The following HMGCLL1 variants were observed in gnomAD, a reference collection of about 807,000 sequenced individuals.
HMGCLL1 encodes the protein 3-hydroxymethyl-3-methylglutaryl-CoA lyase, cytoplasmic.
A neutral mutation model predicts 39.1 loss-of-function variants in HMGCLL1; 36 were observed. That is an observed-to-expected ratio of 0.92 (90% confidence interval 0.71 to 1.22). HMGCLL1 has a LOEUF of 1.22. HMGCLL1 is among the 50% of genes most tolerant of loss of function. The probability of loss-of-function intolerance (pLI) is 0.00; values close to 1 mark genes in which losing one functional copy is unlikely to be tolerated. For missense variants in HMGCLL1, 451 were observed against 416.5 expected, an observed-to-expected ratio of 1.08 and a Z score of -0.72; for synonymous variants, 149 against 144.0, an observed-to-expected ratio of 1.03 and a Z score of -0.25.
the HMGCLL1 span, among the ~76,000 whole-genome samples, chr6:55,625,159 A>T: frequency 1.3e-5 from 2 of 152,096 alleles, no homozygotes; most frequent in Admixed American, 1.3e-4. Context: ...TCTCCTTTTG[A>T]GAGATAGCTC....
intron 3 of HMGCLL1, 64 bp from the exon 4 acceptor site, chr6:55,516,667 G>T (rs893604904): frequency 3.4e-5 from 37 of 1,097,692 alleles, no homozygotes; most frequent in Non-Finnish European, 3.1e-5. Context: ...AATCATTTTA[G>T]TTTCAGGTAG....
At chr6:55,488,164 C>T (rs1248343269) in intron 7 of HMGCLL1, among the ~76,000 whole-genome samples, 5 of 151,984 alleles carry the variant, frequency 3.3e-5, no homozygotes, top group Non-Finnish European at 7.4e-5. Flanking sequence ...ACAGAGGGTA[C>T]TATGATTTTT....
the HMGCLL1 span, among the ~76,000 whole-genome samples, chr6:55,626,444 TG>T: frequency 4.6e-5 from 7 of 152,122 alleles, no homozygotes; most frequent in African/African-American, 1.7e-4. Context: ...AACTGTGGAA[TG>T]GCTTTTTGAA....
chr6:55,649,618 C>A, the HMGCLL1 span, among the ~76,000 whole-genome samples: 1 of 151,838 alleles, frequency 6.6e-6, no homozygotes, highest in African/African-American at 2.4e-5. Context: ...AATGTTGATA[C>A]CTTTCTCAAG....
chr6:55,542,796 A>G (rs1189022765), intron 1 of HMGCLL1, among the ~76,000 whole-genome samples: 1 of 109,676 alleles, frequency 9.1e-6, no homozygotes, highest in Non-Finnish European at 2.0e-5. Flanking sequence ...ATATATACCT[A>G]TATTTATATA....
the HMGCLL1 span, among the ~76,000 whole-genome samples, chr6:55,674,949 A>C: frequency 1.4e-4 from 22 of 152,118 alleles, no homozygotes; most frequent in Non-Finnish European, 2.4e-4. Flanking sequence ...GAAATGAAGA[A>C]ATCTATGAGT....
intron 7 of HMGCLL1, among the ~76,000 whole-genome samples, chr6:55,461,470 A>C (rs1351442913): frequency 2.0e-5 from 3 of 152,052 alleles, no homozygotes; most frequent in African/African-American, 7.2e-5. Flanking sequence ...GCTGCTATCA[A>C]ATATATGAAG....
chr6:55,457,835 T>C (rs1021162522), intron 7 of HMGCLL1, among the ~76,000 whole-genome samples: 7 of 152,070 alleles, frequency 4.6e-5, no homozygotes, highest in African/African-American at 1.7e-4. Context: ...CCACCTTGAG[T>C]CACACATCCA....
At chr6:55,608,711 G>A in the HMGCLL1 span, among the ~76,000 whole-genome samples, 1 of 152,150 alleles carries the variant, frequency 6.6e-6, no homozygotes, top group South Asian at 2.1e-4. Flanking sequence ...AAAACCTAGG[G>A]CATTATAAAT....
rs551191587 is a variant in HMGCLL1 at position 55,527,712 on chromosome 6, G to A, written c.298-11109C>T. 1.1e-3 allele frequency among the ~76,000 whole-genome samples: 170 copies of A among 152,076 alleles called. 1 individual carries two copies. Among genetic ancestry groups the A allele is most frequent in the African/African-American group, 4.0e-3 (165 of 41,516 alleles). Reference sequence around the variant, plus strand: ...GACTTTCTTGTCTATATCATATATTGAAGTTCTACATAAAGTTTTACCCAT... The same window carrying A: ...GACTTTCTTGTCTATATCATATATTAAAGTTCTACATAAAGTTTTACCCAT... On this transcript the variant is annotated intron_variant, in intron 3 of 8. Coordinates refer to ENST00000274901, the MANE Select transcript of HMGCLL1 (RefSeq NM_001042406.2).
At chr6:55,619,155 G>A in the HMGCLL1 span, among the ~76,000 whole-genome samples, 1 of 151,990 alleles carries the variant, frequency 6.6e-6, no homozygotes, top group Non-Finnish European at 1.5e-5. Flanking sequence ...AGAAGATGAA[G>A]TTGGTAGGCT....
At chr6:55,608,645 A>T in the HMGCLL1 span, among the ~76,000 whole-genome samples, 5 of 141,774 alleles carry the variant, frequency 3.5e-5, no homozygotes, top group African/African-American at 1.2e-4. Context: ...GAAAATTAAG[A>T]AAAAAGAACT....
In HMGCLL1 at chr6:55,510,475, G is replaced by A. The variant is rs199601724; in HGVS notation, c.542+3573C>T. Among the ~76,000 whole-genome samples the A allele has an allele frequency of 6.0e-3, 909 of 151,334 alleles. 9 individuals carry two copies. Among genetic ancestry groups the A allele is most frequent in the African/African-American group, 0.02 (820 of 41,226 alleles). Reference sequence around the variant, plus strand: ...ACTATGCAGCCATAAAAAATGATGAGTTCATGTCCTTTGTAGGGACATGGA... The same window carrying A: ...ACTATGCAGCCATAAAAAATGATGAATTCATGTCCTTTGTAGGGACATGGA... On this transcript the variant is annotated intron_variant, in intron 5 of 8. Coordinates refer to ENST00000274901, the MANE Select transcript of HMGCLL1 (RefSeq NM_001042406.2).
At chr6:55,662,813 G>C in the HMGCLL1 span, among the ~76,000 whole-genome samples, 1 of 151,506 alleles carries the variant, frequency 6.6e-6, no homozygotes, top group East Asian at 2.0e-4. Context: ...ATCTGACCCT[G>C]GGTTTTGTTG....
intron 1 of HMGCLL1, among the ~76,000 whole-genome samples, chr6:55,562,169 T>G (rs148270496): frequency 6.6e-6 from 1 of 152,292 alleles, no homozygotes; most frequent in East Asian, 1.9e-4. Flanking sequence ...ATCAAAGTTT[T>G]AAAGATGATT....
the HMGCLL1 span, among the ~76,000 whole-genome samples, chr6:55,604,751 G>A: frequency 5.1e-3 from 779 of 152,180 alleles, 4 homozygotes; most frequent in Middle Eastern, 0.014. Flanking sequence ...TCACTATTAT[G>A]ATACCAGCTA....
chr6:55,588,132 A>G, the HMGCLL1 span, among the ~76,000 whole-genome samples: 13 of 152,306 alleles, frequency 8.5e-5, no homozygotes, highest in Admixed American at 3.3e-4. Flanking sequence ...CACCTATTCC[A>G]AAATTGACCA....
rs762331725 is a variant in HMGCLL1 at position 55,516,507 on chromosome 6, C to T, written c.393+1G>A. The T allele has an allele frequency of 1.2e-5, 19 of 1,581,628 alleles. No homozygotes were observed. Among genetic ancestry groups the T allele is most frequent in the Middle Eastern group, 1.7e-4 (1 of 5,964 alleles). On this transcript the variant is annotated splice_donor_variant, in intron 4 of 8. Transcript: ENST00000274901. LOFTEE classifies it high-confidence loss of function. Reference sequence around the variant, plus strand: ...TTTAGAGATATTAGTAGCACACTTACAGCATGGTGAAAACCCTGAAGATTA... The same window carrying T: ...TTTAGAGATATTAGTAGCACACTTATAGCATGGTGAAAACCCTGAAGATTA...
chr6:55,448,472 A>G (rs550289646), intron 7 of HMGCLL1, among the ~76,000 whole-genome samples: 1 of 152,020 alleles, frequency 6.6e-6, no homozygotes, highest in East Asian at 1.9e-4. Flanking sequence ...CCAATCCTCT[A>G]TAATAAATAT....
Sources: allele counts gnomAD v4.1 joint callset (sites outside exome capture counted in the v4.1 genomes callset), GRCh38; gene constraint gnomAD v4.1.1; transcripts MANE v1.5; gene names NCBI Gene and HGNC (gene_info 2026-07-23, HGNC 2026-07-21).